The following MRLN variants were observed in gnomAD, a reference collection of about 807,000 sequenced individuals.
MRLN encodes myoregulin.
intron 1 of MRLN, among the ~76,000 whole-genome samples, chr10:59,752,347 C>T (rs2070166392): frequency 6.6e-6 from 1 of 152,190 alleles, no homozygotes; most frequent in South Asian, 2.1e-4. Flanking sequence ...GTTAAAATAA[C>T]AGTCACTGTC....
At chr10:59,748,300 G>A (rs564299784) in intron 1 of MRLN, among the ~76,000 whole-genome samples, 2 of 152,058 alleles carry the variant, frequency 1.3e-5, no homozygotes, top group African/African-American at 2.4e-5. Flanking sequence ...TGGATTTTTT[G>A]TGTTCTGTAA....
intron 2 of MRLN, 149 bp from the exon 3 acceptor site, chr10:59,737,369 A>G (rs1840935872): frequency 2.8e-6 from 1 of 357,824 alleles, no homozygotes; most frequent in African/African-American, 2.1e-5. Flanking sequence ...AATCAATGAA[A>G]TAAAATATTT....
chr10:59,744,032 G>A (rs1220592989), intron 1 of MRLN, among the ~76,000 whole-genome samples: 3 of 152,108 alleles, frequency 2.0e-5, no homozygotes, highest in Non-Finnish European at 2.9e-5. Flanking sequence ...CCTCCCAGCC[G>A]CCTGCCTTGG....
In MRLN at chr10:59,738,547, T is replaced by C. The variant is rs149511602; in HGVS notation, c.-109A>G. On this transcript the variant is annotated 5_prime_UTR_variant, in exon 2 of 3. Transcript: ENST00000414264. ...AAGTGTATTCAGCACAGGTGGTCTC[T>C]TAGCAACCTTGATTCCTGTGTCAAA... 5.0e-4 allele frequency: 76 copies of C among 152,330 alleles called. No homozygotes were observed. Among genetic ancestry groups the C allele is most frequent in the African/African-American group, 1.7e-3 (71 of 41,576 alleles). 9.4% of individuals were successfully genotyped at this position (152,330 alleles called of 1,614,324 possible).
At chr10:59,750,871 C>T (rs1371305742) in intron 1 of MRLN, among the ~76,000 whole-genome samples, 7 of 152,084 alleles carry the variant, frequency 4.6e-5, no homozygotes, top group African/African-American at 7.2e-5. Flanking sequence ...GATGCAGAAA[C>T]GGGTGCAGGA....
At chr10:59,747,885 G>A (rs549095694) in intron 1 of MRLN, among the ~76,000 whole-genome samples, 1 of 152,274 alleles carries the variant, frequency 6.6e-6, no homozygotes, top group African/African-American at 2.4e-5. Flanking sequence ...TTGTCCAAAT[G>A]ACAATTACAA....
At chr10:59,748,159 C>T (rs1841061999) in intron 1 of MRLN, among the ~76,000 whole-genome samples, 1 of 151,340 alleles carries the variant, frequency 6.6e-6, no homozygotes, top group South Asian at 2.1e-4. Context: ...AAACTTGGCA[C>T]AGGACGTGCA....
chr10:59,750,958 C>T (rs1564727852), intron 1 of MRLN, among the ~76,000 whole-genome samples: 2 of 152,166 alleles, frequency 1.3e-5, no homozygotes. Context: ...GTGTCATTCC[C>T]ATTTGGAGTT....
At chr10:59,751,185 G>A (rs934598869) in intron 1 of MRLN, among the ~76,000 whole-genome samples, 2 of 152,096 alleles carry the variant, frequency 1.3e-5, no homozygotes, top group East Asian at 3.9e-4. Context: ...TGGTTAGGCT[G>A]GAGAATAGAA....
rs977986482 is a variant in MRLN, at chr10:59,745,905, A to C, written c.-124-7343T>G. 7.2e-5 allele frequency among the ~76,000 whole-genome samples: 11 copies of C among 152,258 alleles called. No individual in the cohort carries two copies. In the South Asian group the frequency reaches 8.3e-4, roughly 11 times the overall value. The stretch of plus-strand genomic sequence containing the variant: ...ATGGCTTGGTCCCCTGGCAAAAAAA[A>C]CCACAACAACAAAAAAACAAACAAC... On this transcript the variant is annotated intron_variant, in intron 1 of 2. Transcript: ENST00000414264.
At chr10:59,739,546 G>A (rs550404532) in intron 1 of MRLN, 1 of 152,298 alleles carries the variant, frequency 6.6e-6, no homozygotes, top group Admixed American at 6.5e-5. Flanking sequence ...ATGCAATAGA[G>A]ATACATAGTT....
intron 1 of MRLN, among the ~76,000 whole-genome samples, chr10:59,752,634 G>A (rs2070170794): frequency 6.6e-6 from 1 of 152,158 alleles, no homozygotes; most frequent in Non-Finnish European, 1.5e-5. Flanking sequence ...AGCTATATTA[G>A]TCTGTGGTCT....
At position 59,749,235 on chromosome 10, in the gene MRLN, T is replaced by C. The variant is rs899360931; in HGVS notation, c.-125+4119A>G. Among the ~76,000 whole-genome samples, 14 of 152,338 alleles carry C rather than the reference T, an allele frequency of 9.2e-5. No individual in the cohort carries two copies. The East Asian group carries it at 2.7e-3, about 29-fold the overall frequency. On this transcript the variant is annotated intron_variant, in intron 1 of 2. Transcript: ENST00000414264. ...TCATAAAACTTTATGAGGTGGAATA[T>C]TCATACCACTATTTTCTTATTCAAA...
At chr10:59,750,749 C>T (rs954426674) in intron 1 of MRLN, among the ~76,000 whole-genome samples, 4 of 152,212 alleles carry the variant, frequency 2.6e-5, no homozygotes, top group Non-Finnish European at 4.4e-5. Flanking sequence ...ATGAAATGCC[C>T]GGAGCCCTGG....
intron 1 of MRLN, among the ~76,000 whole-genome samples, chr10:59,749,370 G>T (rs1589019664): frequency 6.6e-6 from 1 of 152,188 alleles, no homozygotes; most frequent in South Asian, 2.1e-4. Flanking sequence ...CACGGCCTTA[G>T]CCACTGCAAT....
intron 1 of MRLN, among the ~76,000 whole-genome samples, chr10:59,751,239 A>G (rs1394727843): frequency 6.6e-6 from 1 of 152,190 alleles, no homozygotes; most frequent in Non-Finnish European, 1.5e-5. Flanking sequence ...TAGAGCAGAA[A>G]TGATATCTCT....
intron 1 of MRLN, among the ~76,000 whole-genome samples, chr10:59,751,669 C>CAAAAA (rs10652105): frequency 3.6e-5 from 3 of 82,360 alleles, no homozygotes; most frequent in African/African-American, 1.1e-4. Flanking sequence ...GACTCTGTCT[C>CAAAAA]AAAAAAAAAA....
At chr10:59,749,642 C>T (rs1297168787) in intron 1 of MRLN, among the ~76,000 whole-genome samples, 1 of 151,662 alleles carries the variant, frequency 6.6e-6, no homozygotes, top group South Asian at 2.1e-4. Context: ...TGCAGTGAAC[C>T]GAGATCGTGC....
chr10:59,751,248 C>T (rs183601719), intron 1 of MRLN, among the ~76,000 whole-genome samples: 1 of 152,276 alleles, frequency 6.6e-6, no homozygotes, highest in Non-Finnish European at 1.5e-5. Context: ...AATGATATCT[C>T]TAGCATTTTC....
Sources: gnomAD v4.1 joint callset for allele counts (sites outside exome capture counted in the v4.1 genomes callset) on GRCh38, gnomAD v4.1.1 for gene constraint, MANE v1.5 for transcripts, NCBI Gene and HGNC (gene_info 2026-07-23, HGNC 2026-07-21) for gene names.